The following RPS10 variants were observed in gnomAD, a reference collection of about 807,000 sequenced individuals.
RPS10 encodes small ribosomal subunit protein eS10.
A neutral mutation model predicts 22.6 loss-of-function variants in RPS10; 2 were observed. The ratio of observed to expected loss-of-function variants is 0.09; its 90% CI spans 0.04 to 0.28. The LOEUF (loss-of-function observed/expected upper bound fraction) is 0.28. RPS10 is among the 10% of genes least tolerant of loss of function. The probability of loss-of-function intolerance (pLI) is 1.00; values close to 1 mark genes in which losing one functional copy is unlikely to be tolerated. For missense variants in RPS10, 137 were observed against 222.2 expected (o/e 0.62, Z 2.44); for synonymous variants, 70 against 75.9 (o/e 0.92, Z 0.40).
At chr6:34,419,316 G>T (rs544944419) in intron 4 of RPS10, among the ~76,000 whole-genome samples, 154 of 152,018 alleles carry the variant, frequency 1.0e-3, no homozygotes, top group Non-Finnish European at 1.9e-3. Context: ...ATGAGCCACC[G>T]CACCCAGCCC....
intron 3 of RPS10, among the ~76,000 whole-genome samples, chr6:34,422,359 G>C (rs996513212): frequency 4.7e-4 from 72 of 152,178 alleles, no homozygotes; most frequent in African/African-American, 1.7e-3. Flanking sequence ...CTGTCACCCA[G>C]GTTGGAGTGC....
intron 4 of RPS10, among the ~76,000 whole-genome samples, chr6:34,421,445 C>G (rs868303564): frequency 3.9e-5 from 6 of 152,072 alleles, no homozygotes; most frequent in South Asian, 4.2e-4. Context: ...CGACCCCCCC[C>G]CTCCAACCAA....
chr6:34,418,483 G>A lies in RPS10; in HGVS notation c.401-59C>T, dbSNP rs532802045. 423 of 1,612,334 alleles carry A rather than the reference G, an allele frequency of 2.6e-4. 13 individuals are homozygous for A. The South Asian group carries it at 2.8e-3, about 11-fold the overall frequency. ...ATGATCTAATCTACTATAGAACAAG[G>A]GAAGACAACTCACTGACTCCAATCT... On this transcript the variant is annotated intron_variant, in intron 4 of 5. Transcript: ENST00000648437.
intron 5 of RPS10, 106 bp from the exon 6 acceptor site, chr6:34,417,653 T>A: frequency 9.3e-7 from 1 of 1,072,244 alleles, no homozygotes; most frequent in Non-Finnish European, 1.4e-6. Flanking sequence ...CCCCCAAATG[T>A]AAACAGCTGG....
At chr6:34,419,233 C>G (rs1195199923) in intron 4 of RPS10, among the ~76,000 whole-genome samples, 1 of 152,022 alleles carries the variant, frequency 6.6e-6, no homozygotes, top group East Asian at 1.9e-4. Flanking sequence ...GTTGGTTTCT[C>G]CAGGCTGGTC....
At chr6:34,418,638 TCA>T (rs1765656599) in intron 4 of RPS10, among the ~76,000 whole-genome samples, 1 of 152,020 alleles carries the variant, frequency 6.6e-6, no homozygotes, top group South Asian at 2.1e-4. Context: ...CCTTCAATAC[TCA>T]CAGCCCAAAC....
At chr6:34,422,488 T>C (rs1227889049) in intron 3 of RPS10, among the ~76,000 whole-genome samples, 1 of 152,146 alleles carries the variant, frequency 6.6e-6, no homozygotes, top group Non-Finnish European at 1.5e-5. Flanking sequence ...CTACGTTTTG[T>C]ATTTTTAGTA....
intron 4 of RPS10, 151 bp from the exon 5 acceptor site, chr6:34,418,575 C>A: frequency 8.1e-7 from 1 of 1,240,520 alleles, no homozygotes; most frequent in South Asian, 1.3e-5. Flanking sequence ...GGAATACCTT[C>A]TGAGCCACCT....
intron 2 of RPS10, 113 bp from the exon 3 acceptor site, chr6:34,424,953 C>T (rs1264351027): frequency 1.2e-6 from 2 of 1,607,978 alleles, no homozygotes; most frequent in East Asian, 2.2e-5. Context: ...GCAGTCCTGA[C>T]CTCCCTTTTT....
In RPS10 at chr6:34,424,989, G is replaced by A. The variant is rs527682912; in HGVS notation, c.150+83C>T. Reference sequence around the variant, plus strand: ...GAACTTGCCTTGAACCTTAGGGGAAGATCCCTCCATCCCATTCCATCCCAT... The same window carrying A: ...GAACTTGCCTTGAACCTTAGGGGAAAATCCCTCCATCCCATTCCATCCCAT... On this transcript the variant is annotated intron_variant, in intron 2 of 5. Transcript: ENST00000648437. 8 of 1,609,746 alleles carry A rather than the reference G, an allele frequency of 5.0e-6. No homozygotes were observed. The African/African-American group carries it at 9.4e-5, about 19-fold the overall frequency.
At chr6:34,418,017 C>T (rs1392488016) in intron 5 of RPS10, 2 of 704,242 alleles carry the variant, frequency 2.8e-6, no homozygotes, top group Admixed American at 2.5e-5. Context: ...CAGAGGGGAA[C>T]CTACCTAACA....
intron 2 of RPS10, 79 bp from the exon 3 acceptor site, chr6:34,424,919 C>T: frequency 6.2e-7 from 1 of 1,609,672 alleles, no homozygotes; most frequent in Admixed American, 1.7e-5. Flanking sequence ...CCCAGCCAGC[C>T]CTTCAAGTTA....
At chr6:34,417,747 C>T in intron 5 of RPS10, 200 bp from the exon 6 acceptor site, 1 of 722,334 alleles carries the variant, frequency 1.4e-6, no homozygotes. Context: ...CCCATTTCTT[C>T]ATTGGTAAAG....
At chr6:34,418,206 T>C (rs1581922479) in intron 5 of RPS10, 163 bp downstream of exon 5, 5 of 1,524,838 alleles carry the variant, frequency 3.3e-6, no homozygotes, top group African/African-American at 2.8e-5. Flanking sequence ...AAAGTTTGCA[T>C]GCTACAACTC....
At chr6:34,424,957 C>A (rs1765903803) in intron 2 of RPS10, 115 bp downstream of exon 2, 1 of 1,608,506 alleles carries the variant, frequency 6.2e-7, no homozygotes, top group Non-Finnish European at 8.5e-7. Context: ...TCCTGACCTC[C>A]CTTTTTGAAC....
intron 4 of RPS10, among the ~76,000 whole-genome samples, 194 bp from the exon 5 acceptor site, chr6:34,418,618 C>T (rs918484370): frequency 1.3e-5 from 2 of 152,110 alleles, no homozygotes; most frequent in Non-Finnish European, 2.9e-5. Context: ...CTCAGCCTTC[C>T]TTATGTCACC....
intron 3 of RPS10, among the ~76,000 whole-genome samples, chr6:34,422,979 C>T (rs539543296): frequency 1.5e-3 from 222 of 152,078 alleles, no homozygotes; most frequent in Non-Finnish European, 2.9e-3. Context: ...TACCAAGAAG[C>T]TGAGGCAGGA....
At position 34,425,177 on chromosome 6, in the gene RPS10, A is replaced by G. The variant is rs1765912320; in HGVS notation, c.45T>C (p.Leu15=). 2 of 1,613,724 alleles carry G rather than the reference A, an allele frequency of 1.2e-6. No homozygotes were observed. Among genetic ancestry groups the G allele is most frequent in the Non-Finnish European group, 1.7e-6 (2 of 1,179,916 alleles). Residue 15 remains leucine (L), a synonymous_variant, in exon 2 of 6, where the codon CTT becomes CTC. Transcript: ENST00000648437. ...TGGCCACCATGACTCCCTCCTTAAA[A>G]AGGAGTTCATAAATGGCAATCCGGT... ...KKNRIAIYEL[L]FKEGVMVAKK... is the part of the protein sequence containing the mutation.
chr6:34,425,723 CAAG>C (rs1561940972), intron 1 of RPS10: 1 of 173,574 alleles, frequency 5.8e-6, no homozygotes, highest in Non-Finnish European at 1.3e-5. Context: ...CAGTGCCAGG[CAAG>C]GAGGCAGTCG....
Sources: gnomAD v4.1 joint callset for allele counts (sites outside exome capture counted in the v4.1 genomes callset) on GRCh38, gnomAD v4.1.1 for gene constraint, MANE v1.5 for transcripts, NCBI Gene and HGNC (gene_info 2026-07-23, HGNC 2026-07-21) for gene names.